ITPKC: variants seen among roughly 807,000 people sequenced by gnomAD.
ITPKC encodes the protein inositol-trisphosphate 3-kinase C.
In ITPKC, 33 loss-of-function variants were observed where a neutral mutation model predicts 67.1. The ratio of observed to expected loss-of-function variants is 0.49; its 90% CI spans 0.37 to 0.66. The LOEUF (loss-of-function observed/expected upper bound fraction) is 0.66. Among genes scored for constraint, ITPKC ranks in the 30% least tolerant of loss-of-function variants. The probability of loss-of-function intolerance (pLI) is 0.00; values close to 1 mark genes in which losing one functional copy is unlikely to be tolerated. For synonymous variants in ITPKC, 341 were observed against 359.8 expected (o/e 0.95, Z 0.59); for missense variants, 820 against 892.1 (o/e 0.92, Z 1.03).
At chr19:40,723,203 C>T (rs184763351) in intron 1 of ITPKC, among the ~76,000 whole-genome samples, 17 of 152,210 alleles carry the variant, frequency 1.1e-4, no homozygotes, top group East Asian at 7.7e-4. Flanking sequence ...CCTCATGATC[C>T]GCCTGCCTCA....
At chr19:40,737,258 C>T (rs953956918) in intron 5 of ITPKC, among the ~76,000 whole-genome samples, 171 bp downstream of exon 5, 3 of 152,218 alleles carry the variant, frequency 2.0e-5, no homozygotes, top group African/African-American at 7.2e-5. Context: ...CCAGGGGGCC[C>T]TGCTCCCAGC....
intron 3 of ITPKC, among the ~76,000 whole-genome samples, chr19:40,730,228 C>T (rs991530848): frequency 2.0e-5 from 3 of 152,098 alleles, no homozygotes; most frequent in Non-Finnish European, 4.4e-5. Context: ...TGAGCCACCA[C>T]GCCTAGTCTG....
Position 40,739,661 on chromosome 19 carries a change from T to G in ITPKC, c.*101T>G. 9.7e-7 allele frequency: 1 copy of G among 1,027,902 alleles called. No homozygotes were observed. The highest frequency in any genetic ancestry group is 1.4e-6 in the Non-Finnish European group (1 of 702,352). The allele number at this position is 1,027,902 out of a possible 1,614,324, so 63.7% of individuals were successfully genotyped here. On this transcript the variant is annotated 3_prime_UTR_variant, in exon 7 of 7. Coordinates refer to ENST00000263370, the MANE Select transcript of ITPKC (RefSeq NM_025194.3). ...GAGGTTGGCCACGGGGGAGCTGGCC[T>G]CCAGGGACGGGAGAGATTGTGTCAT...
rs2082323756 is a variant in ITPKC at position 40,740,593 on chromosome 19, C to CT, written c.*1034dup. 1 of 226,722 alleles carries CT rather than the reference C, an allele frequency of 4.4e-6. No individual in the cohort carries two copies. The highest frequency in any genetic ancestry group is 2.3e-5 in the African/African-American group (1 of 44,096). 14.0% of individuals were successfully genotyped at this position (226,722 alleles called of 1,614,324 possible). ...AAGACTGTAGAACCCTGGGGTGTGG[C>CT]TAACGGCCCCTCCAGCACCCATAGC... On this transcript the variant is annotated 3_prime_UTR_variant, in exon 7 of 7. Transcript: ENST00000263370.
intron 4 of ITPKC, among the ~76,000 whole-genome samples, chr19:40,736,063 G>A (rs975599563): frequency 3.3e-5 from 5 of 152,166 alleles, no homozygotes; most frequent in African/African-American, 9.7e-5. Context: ...AGGCCAAGGC[G>A]GGCGGAGCAT....
chr19:40,730,202 G>C (rs2082264514), intron 3 of ITPKC, among the ~76,000 whole-genome samples: 1 of 152,118 alleles, frequency 6.6e-6, no homozygotes, highest in South Asian at 2.1e-4. Context: ...CTCCCAGAAT[G>C]CTGGGATTAT....
intron 2 of ITPKC, 59 bp downstream of exon 2, chr19:40,725,498 G>A (rs1490835244): frequency 5.2e-6 from 6 of 1,157,314 alleles, no homozygotes; most frequent in Non-Finnish European, 6.5e-6. Flanking sequence ...GGAAAGGGAT[G>A]TTCTCTGTAG....
chr19:40,727,491 G>A (rs566352590), intron 2 of ITPKC, among the ~76,000 whole-genome samples: 8 of 152,204 alleles, frequency 5.3e-5, no homozygotes, highest in Non-Finnish European at 1.0e-4. Context: ...CAGGATGGCA[G>A]GGATGGCTTT....
At chr19:40,720,705 C>G (rs1409097177) in intron 1 of ITPKC, among the ~76,000 whole-genome samples, 1 of 152,032 alleles carries the variant, frequency 6.6e-6, no homozygotes, top group East Asian at 1.9e-4. Context: ...ACTTCCTTCC[C>G]TCCTCCTGAC....
At chr19:40,719,494 C>CT (rs1005099675) in intron 1 of ITPKC, among the ~76,000 whole-genome samples, 99 of 145,970 alleles carry the variant, frequency 6.8e-4, no homozygotes, top group East Asian at 1.8e-3. Flanking sequence ...GAGGTAGATA[C>CT]TTTTTTTTTT....
chr19:40,737,669 C>G, intron 5 of ITPKC, 29 bp from the exon 6 acceptor site: 3 of 1,608,812 alleles, frequency 1.9e-6, no homozygotes, highest in Non-Finnish European at 2.6e-6. Flanking sequence ...AGTCCCCATG[C>G]TAACCAAAGA....
Position 40,717,184 on chromosome 19 carries a change from GCGCTGCC to G in ITPKC, c.53_59del (p.Leu18ArgfsTer85). 1 of 1,226,140 alleles carries G rather than the reference GCGCTGCC, an allele frequency of 8.2e-7. No individual in the cohort carries two copies. Among genetic ancestry groups the G allele is most frequent in the Non-Finnish European group, 1.0e-6 (1 of 984,590 alleles). The allele number at this position is 1,226,140 out of a possible 1,614,324, so 76.0% of individuals were successfully genotyped here. ...GAGCCTGAACGAGGCGGAGGCCGGG[GCGCTGCC>G]CGCGGCGGCCCGCATGGGACTGGAG... On this transcript the variant is annotated frameshift_variant, in exon 1 of 7. Coordinates refer to ENST00000263370, the MANE Select transcript of ITPKC (RefSeq NM_025194.3). LOFTEE classifies it high-confidence loss of function.
rs545741781 is a variant in ITPKC, at chr19:40,739,788, G to A, written c.*228G>A. 2 of 570,650 alleles carry A rather than the reference G, an allele frequency of 3.5e-6. No individual in the cohort carries two copies. The highest frequency in any genetic ancestry group is 2.1e-5 in the South Asian group (1 of 47,046). 35.3% of individuals were successfully genotyped at this position (570,650 alleles called of 1,614,324 possible). On this transcript the variant is annotated 3_prime_UTR_variant, in exon 7 of 7. Coordinates refer to ENST00000263370, the MANE Select transcript of ITPKC (RefSeq NM_025194.3). Reference sequence around the variant, plus strand: ...GGGGTTTTGGGGACCTGGAAGGAAGGTGATGAGGCAGTGAGTCAGAAAAAC... The same window carrying A: ...GGGGTTTTGGGGACCTGGAAGGAAGATGATGAGGCAGTGAGTCAGAAAAAC...
At chr19:40,718,868 G>A (rs2082207291) in intron 1 of ITPKC, among the ~76,000 whole-genome samples, 1 of 152,142 alleles carries the variant, frequency 6.6e-6, no homozygotes, top group Admixed American at 6.5e-5. Context: ...AAGGATCCTT[G>A]GCCTAGCCGG....
At chr19:40,733,476 G>C in intron 4 of ITPKC, 112 bp downstream of exon 4, 1 of 972,516 alleles carries the variant, frequency 1.0e-6, no homozygotes, top group Non-Finnish European at 1.5e-6. Context: ...GGGATGAAAG[G>C]CTGGGGCTGG....
chr19:40,729,332 G>A lies in ITPKC; in HGVS notation c.1386G>A (p.Gln462=). 1 of 1,614,192 alleles carries A rather than the reference G, an allele frequency of 6.2e-7. No individual in the cohort carries two copies. The highest frequency in any genetic ancestry group is 8.5e-7 in the Non-Finnish European group (1 of 1,180,042). Residue 462 remains glutamine (Q), a synonymous_variant, in exon 3 of 7, where the codon CAG becomes CAA. Coordinates refer to ENST00000263370, the MANE Select transcript of ITPKC (RefSeq NM_025194.3). ...FVPAYYGMVL[Q]DGQTFNQMED... ...CTGCCTACTATGGCATGGTGCTGCA[G>A]GATGGCCAGACCTTCAACCAGATGG...
rs560628573 is a variant in ITPKC at position 40,725,260 on chromosome 19, C to T, written c.1156-80C>T. ...CCTGGAAAGACTGCAGGTCCCCTTT[C>T]GTTCCCTCTCATGGCAGCACCTCTA... On this transcript the variant is annotated intron_variant, in intron 1 of 6. Coordinates refer to ENST00000263370, the MANE Select transcript of ITPKC (RefSeq NM_025194.3). 4.0e-4 allele frequency: 347 copies of T among 869,390 alleles called. 3 individuals are homozygous for T. The African/African-American group carries it at 4.1e-3, about 10-fold the overall frequency. 53.9% of individuals were successfully genotyped at this position (869,390 alleles called of 1,614,324 possible).
intron 1 of ITPKC, 96 bp from the exon 2 acceptor site, chr19:40,725,244 A>T (rs1419892492): frequency 4.0e-6 from 3 of 745,562 alleles, no homozygotes; most frequent in Non-Finnish European, 4.7e-6. Flanking sequence ...CCCTGGAAAG[A>T]CTGCAGGTCC....
intron 1 of ITPKC, among the ~76,000 whole-genome samples, chr19:40,720,887 C>T (rs1254427649): frequency 6.6e-6 from 1 of 151,748 alleles, no homozygotes; most frequent in African/African-American, 2.4e-5. Flanking sequence ...TTCTCCCTTT[C>T]CTCCTTCCTT....
Sources: allele counts gnomAD v4.1 joint callset (sites outside exome capture counted in the v4.1 genomes callset), GRCh38; gene constraint gnomAD v4.1.1; transcripts MANE v1.5; gene names NCBI Gene and HGNC (gene_info 2026-07-23, HGNC 2026-07-21).